The following PALLD variants were observed in gnomAD, a reference collection of about 807,000 sequenced individuals.
PALLD encodes palladin, cytoskeletal associated protein.
A neutral mutation model predicts 123.5 loss-of-function variants in PALLD; 61 were observed. That is an observed-to-expected ratio of 0.49 (90% CI 0.40 to 0.61). The LOEUF (loss-of-function observed/expected upper bound fraction) is 0.61. Ranked by LOEUF, PALLD falls within the 20% of genes least tolerant of loss-of-function variation. The pLI is 0.00. For synonymous variants in PALLD, 465 were observed against 496.4 expected, an observed-to-expected ratio of 0.94 and a Z score of 0.84; for missense variants, 1,273 against 1,377.0, an observed-to-expected ratio of 0.92 and a Z score of 1.20.
intron 4 of PALLD, among the ~76,000 whole-genome samples, chr4:168,682,220 C>T (rs1781616676): frequency 6.6e-6 from 1 of 152,106 alleles, no homozygotes; most frequent in South Asian, 2.1e-4. Flanking sequence ...CCAGAAATTC[C>T]TATTATGGAA....
chr4:168,625,500 G>GATATATATATATATATATATATAT (rs1554052783), intron 2 of PALLD, among the ~76,000 whole-genome samples: 11 of 35,216 alleles, frequency 3.1e-4, no homozygotes, highest in African/African-American at 9.5e-4. Flanking sequence ...TAATATCCAG[G>GATATATATATATATATATATATAT]AGATATATAT....
At chr4:168,655,301 A>C (rs1441531790) in intron 2 of PALLD, among the ~76,000 whole-genome samples, 1 of 152,248 alleles carries the variant, frequency 6.6e-6, no homozygotes, top group Non-Finnish European at 1.5e-5. Flanking sequence ...CCCTTGAAAA[A>C]GAAAGTGAAT....
In PALLD at chr4:168,640,351, C is replaced by T. The variant is rs112412367; in HGVS notation, c.909-27839C>T. ...TATTCTTCCACCTCTTAATTCTTAACCCCAGCTACTGTCCCAAGTAGCTTA... is the reference window on the plus strand; with the variant it reads ...TATTCTTCCACCTCTTAATTCTTAATCCCAGCTACTGTCCCAAGTAGCTTA... On this transcript the variant is annotated intron_variant, in intron 2 of 21. Coordinates refer to ENST00000505667, the MANE Select transcript of PALLD (RefSeq NM_001166108.2). 3.1e-3 allele frequency among the ~76,000 whole-genome samples: 465 copies of T among 152,260 alleles called. 24 individuals are homozygous for T. The South Asian group carries it at 0.085, about 28-fold the overall frequency.
At chr4:168,696,884 G>A (rs893048661) in intron 8 of PALLD, among the ~76,000 whole-genome samples, 17 of 152,172 alleles carry the variant, frequency 1.1e-4, no homozygotes, top group Middle Eastern at 3.2e-3. Context: ...AAGAAGCGGC[G>A]AGAGACAGGA....
At chr4:168,733,460 G>GT (rs1787377542) in intron 10 of PALLD, among the ~76,000 whole-genome samples, 3 of 152,192 alleles carry the variant, frequency 2.0e-5, no homozygotes, top group Admixed American at 2.0e-4. Flanking sequence ...AAAAGTGTTT[G>GT]AGATGGGTTG....
chr4:168,792,572 A>G (rs2150610163), intron 10 of PALLD, among the ~76,000 whole-genome samples: 1 of 151,442 alleles, frequency 6.6e-6, no homozygotes, highest in East Asian at 2.0e-4. Flanking sequence ...CAAGCCTCCC[A>G]CTCGTCAAAC....
intron 10 of PALLD, among the ~76,000 whole-genome samples, chr4:168,809,533 G>A (rs952316231): frequency 6.6e-6 from 1 of 152,104 alleles, no homozygotes; most frequent in African/African-American, 2.4e-5. Context: ...AGAGAGGAGG[G>A]CTAAAGACAG....
At position 168,915,865 on chromosome 4, in the gene PALLD, C is replaced by T. The variant is rs1236107077; in HGVS notation, c.2718-30C>T. 1.9e-6 allele frequency: 3 copies of T among 1,587,162 alleles called. No homozygotes were observed. The East Asian group carries it at 6.7e-5, about 36-fold the overall frequency. ...CTGGAAGTAACTACTATCTATATTT[C>T]TATCTATCTGTCATCTTTCTTGTTT... On this transcript the variant is annotated intron_variant, in intron 16 of 21. Transcript: ENST00000505667.
intron 10 of PALLD, among the ~76,000 whole-genome samples, chr4:168,747,221 A>T (rs908464469): frequency 6.6e-6 from 1 of 152,228 alleles, no homozygotes; most frequent in Non-Finnish European, 1.5e-5. Context: ...AATCAGCTGC[A>T]TAAAAGGGTA....
chr4:168,627,463 T>C (rs890121226), intron 2 of PALLD, among the ~76,000 whole-genome samples: 2 of 152,140 alleles, frequency 1.3e-5, no homozygotes, highest in African/African-American at 4.8e-5. Flanking sequence ...TGAGCCAAGA[T>C]TGTACAATTG....
intron 2 of PALLD, among the ~76,000 whole-genome samples, chr4:168,519,572 T>A (rs770624892): frequency 6.6e-6 from 1 of 152,202 alleles, no homozygotes; most frequent in Non-Finnish European, 1.5e-5. Flanking sequence ...ATGTATTCAG[T>A]CTTGTGCCAT....
intron 17 of PALLD, among the ~76,000 whole-genome samples, chr4:168,917,740 G>T (rs1027073297): frequency 1.3e-5 from 2 of 151,842 alleles, no homozygotes; most frequent in East Asian, 3.9e-4. Context: ...TTATTTCTTA[G>T]GATCATTATT....
chr4:168,569,655 G>A (rs369529132), intron 2 of PALLD, among the ~76,000 whole-genome samples: 8 of 152,070 alleles, frequency 5.3e-5, no homozygotes, highest in African/African-American at 1.9e-4. Context: ...AATTAAGCAG[G>A]CTGCACGTTC....
At chr4:168,639,802 C>A (rs1776751643) in intron 2 of PALLD, among the ~76,000 whole-genome samples, 1 of 152,188 alleles carries the variant, frequency 6.6e-6, no homozygotes, top group Non-Finnish European at 1.5e-5. Flanking sequence ...CCTCGGCCAC[C>A]CAAAGTGCTG....
intron 2 of PALLD, among the ~76,000 whole-genome samples, chr4:168,583,547 T>C (rs138538057): frequency 1.3e-5 from 2 of 152,292 alleles, no homozygotes; most frequent in Non-Finnish European, 2.9e-5. Context: ...ACCGTCATCT[T>C]CATGCACCAG....
intron 2 of PALLD, among the ~76,000 whole-genome samples, chr4:168,581,407 A>G (rs983604641): frequency 2.0e-5 from 3 of 151,972 alleles, no homozygotes; most frequent in Non-Finnish European, 4.4e-5. Context: ...CGCCCTTGCC[A>G]ACGCTTAATC....
chr4:168,669,738 A>G (rs955998400), intron 3 of PALLD, among the ~76,000 whole-genome samples: 3 of 152,184 alleles, frequency 2.0e-5, no homozygotes, highest in Admixed American at 6.6e-5. Flanking sequence ...ACCTTGTCCT[A>G]TTAATAAAAA....
intron 10 of PALLD, among the ~76,000 whole-genome samples, chr4:168,838,591 T>G (rs748123076): frequency 1.3e-5 from 2 of 151,510 alleles, no homozygotes; most frequent in Non-Finnish European, 2.9e-5. Flanking sequence ...TTCTGACTCT[T>G]AACATCCTTC....
chr4:168,498,297 T>G (rs1486538960), intron 1 of PALLD, among the ~76,000 whole-genome samples: 1 of 152,176 alleles, frequency 6.6e-6, no homozygotes, highest in Non-Finnish European at 1.5e-5. Flanking sequence ...GATTAGGGTC[T>G]GTATCCCAGG....
Sources: allele counts gnomAD v4.1 joint callset (sites outside exome capture counted in the v4.1 genomes callset), GRCh38; gene constraint gnomAD v4.1.1; transcripts MANE v1.5; gene names NCBI Gene and HGNC (gene_info 2026-07-23, HGNC 2026-07-21).